The following GLT8D2 variants were observed in gnomAD, a reference collection of about 807,000 sequenced individuals.
GLT8D2 encodes glycosyltransferase 8 domain containing 2.
GLT8D2 carries 45 observed loss-of-function variants against 44.5 expected under a neutral mutation model. The ratio of observed to expected loss-of-function variants is 1.01; its 90% CI spans 0.80 to 1.30. The LOEUF is 1.30. GLT8D2 is among the 50% of genes most tolerant of loss of function. The pLI is 0.00. For missense variants in GLT8D2, 400 were observed against 430.4 expected (o/e 0.93, Z 0.62); for synonymous variants, 156 against 157.2 (o/e 0.99, Z 0.06).
At chr12:104,019,122 T>C (rs1186652982) in intron 3 of GLT8D2, among the ~76,000 whole-genome samples, 86 of 148,392 alleles carry the variant, frequency 5.8e-4, no homozygotes, top group African/African-American at 1.3e-3. Context: ...CTTCTTCTTT[T>C]TTTTTTTTTT....
At chr12:104,038,403 C>G (rs529292946) in intron 1 of GLT8D2, among the ~76,000 whole-genome samples, 1 of 152,336 alleles carries the variant, frequency 6.6e-6, no homozygotes, top group South Asian at 2.1e-4. Context: ...ACCCCATCGT[C>G]TCAGCCCATA....
upstream of GLT8D2, chr12:104,050,382 C>G (rs185215046): frequency 1.3e-5 from 2 of 152,222 alleles, no homozygotes; most frequent in Admixed American, 6.5e-5. Context: ...GAAAGAACAC[C>G]AGTGAAAAAT....
upstream of GLT8D2, among the ~76,000 whole-genome samples, chr12:104,052,673 C>G (rs1021010408): frequency 6.6e-6 from 1 of 152,182 alleles, no homozygotes; most frequent in African/African-American, 2.4e-5. Context: ...CTCACACAAT[C>G]CAGCAGGTGT....
At chr12:104,027,042 A>G (rs868070908) in intron 1 of GLT8D2, among the ~76,000 whole-genome samples, 1 of 152,254 alleles carries the variant, frequency 6.6e-6, no homozygotes, top group African/African-American at 2.4e-5. Flanking sequence ...ATTTGCTGGC[A>G]GTCATCTAGG....
intron 8 of GLT8D2, among the ~76,000 whole-genome samples, chr12:103,995,861 A>T (rs887490680): frequency 2.0e-5 from 3 of 152,230 alleles, no homozygotes; most frequent in Admixed American, 1.3e-4. Context: ...CTTTTCTAAG[A>T]ACTTTACATG....
intron 10 of GLT8D2, 145 bp from the exon 11 acceptor site, chr12:103,989,722 A>T: frequency 1.5e-6 from 1 of 655,404 alleles, no homozygotes; most frequent in Non-Finnish European, 2.5e-6. Context: ...CAGGTCTCCA[A>T]ATCAACCACT....
intron 1 of GLT8D2, among the ~76,000 whole-genome samples, chr12:104,039,104 G>A (rs1413071859): frequency 6.6e-6 from 1 of 152,100 alleles, no homozygotes; most frequent in Non-Finnish European, 1.5e-5. Flanking sequence ...ATAGAAAGCT[G>A]AAACTGGATC....
chr12:104,018,017 T>G (rs1877115252), intron 3 of GLT8D2, among the ~76,000 whole-genome samples: 1 of 152,156 alleles, frequency 6.6e-6, no homozygotes, highest in Non-Finnish European at 1.5e-5. Flanking sequence ...TTGCCCTGGC[T>G]GGAGTGCAGC....
intron 1 of GLT8D2, among the ~76,000 whole-genome samples, chr12:104,063,175 A>G (rs923830489): frequency 1.3e-5 from 2 of 152,200 alleles, no homozygotes; most frequent in Admixed American, 1.3e-4. Context: ...GGTTGGGGAC[A>G]GCTGAAACAG....
intron 4 of GLT8D2, among the ~76,000 whole-genome samples, chr12:104,005,386 T>A (rs1874847798): frequency 6.6e-6 from 1 of 152,042 alleles, no homozygotes; most frequent in East Asian, 1.9e-4. Context: ...ACAAATGGGA[T>A]CTAATTAAAC....
chr12:104,064,415 C>T (rs1882971431), upstream of GLT8D2: 1 of 713,678 alleles, frequency 1.4e-6, no homozygotes, highest in African/African-American at 1.9e-5. The surrounding 1 kb of genome is among the most constrained non-coding windows in gnomAD (Gnocchi z 7.3). Context: ...AGCGTCTCTC[C>T]ACTGCCCGCG....
intron 1 of GLT8D2, among the ~76,000 whole-genome samples, chr12:104,027,346 A>G (rs768362321): frequency 1.9e-4 from 29 of 152,220 alleles, no homozygotes; most frequent in Admixed American, 1.1e-3. Context: ...GTCTTTGGCC[A>G]TGTGGCTCCT....
chr12:104,016,969 G>T (rs985126244), intron 3 of GLT8D2, among the ~76,000 whole-genome samples: 8 of 152,200 alleles, frequency 5.3e-5, no homozygotes, highest in Non-Finnish European at 1.0e-4. Flanking sequence ...CAAGCCTCCA[G>T]CTCTGTTTGT....
chr12:104,018,628 C>G (rs765945905), intron 3 of GLT8D2, among the ~76,000 whole-genome samples: 26 of 152,172 alleles, frequency 1.7e-4, no homozygotes, highest in Admixed American at 5.2e-4. Flanking sequence ...AATCCCAGCA[C>G]TTTGGGAGGC....
chr12:104,064,218 T>G, upstream of GLT8D2: 2 of 210,972 alleles, frequency 9.5e-6, no homozygotes, highest in Non-Finnish European at 1.9e-5. This position sits in a 1 kb window ranked among gnomAD's most constrained non-coding sequence, Gnocchi z 7.3. Flanking sequence ...AGATGCTCAA[T>G]TAAAGTGGAC....
chr12:103,991,850 A>T (rs1482415519), intron 10 of GLT8D2, among the ~76,000 whole-genome samples: 1 of 145,192 alleles, frequency 6.9e-6, no homozygotes, highest in Non-Finnish European at 1.5e-5. Context: ...AAAAAAGATT[A>T]TGGGACATAA....
At chr12:104,038,426 T>A (rs543009103) in intron 1 of GLT8D2, among the ~76,000 whole-genome samples, 15 of 152,336 alleles carry the variant, frequency 9.8e-5, no homozygotes, top group Admixed American at 8.5e-4. Context: ...CTCCTTAAGC[T>A]GATAAGCAAC....
chr12:103,989,167 G>T lies in GLT8D2; in HGVS notation c.*241C>A. 1 of 331,704 alleles carries T rather than the reference G, an allele frequency of 3.0e-6. No individual in the cohort carries two copies. Among genetic ancestry groups the T allele is most frequent in the Non-Finnish European group, 5.5e-6 (1 of 183,258 alleles). 20.5% of individuals were successfully genotyped at this position (331,704 alleles called of 1,614,324 possible). On this transcript the variant is annotated 3_prime_UTR_variant, in exon 11 of 11. Transcript: ENST00000360814. ...GCAGGTTGATTGCTGTTATCTAGAT[G>T]GGTCTCTTCCTTTATGTTTTTCAGT...
intron 1 of GLT8D2, among the ~76,000 whole-genome samples, chr12:104,035,180 C>T (rs1278972451): frequency 6.6e-6 from 1 of 152,150 alleles, no homozygotes; most frequent in Non-Finnish European, 1.5e-5. Flanking sequence ...CATCAAAGAC[C>T]AAAGGTAGAT....
Sources: gnomAD v4.1 joint callset for allele counts (sites outside exome capture counted in the v4.1 genomes callset) on GRCh38, gnomAD v4.1.1 for gene constraint, Gnocchi (gnomAD v3.1) non-coding constraint, MANE v1.5 for transcripts, NCBI Gene and HGNC (gene_info 2026-07-23, HGNC 2026-07-21) for gene names.